The following C8orf34 variants were observed in gnomAD, a reference collection of about 807,000 sequenced individuals.
C8orf34 encodes uncharacterized protein C8orf34.
A neutral mutation model predicts 68.3 loss-of-function variants in C8orf34; 65 were observed. The observed-to-expected ratio is 0.95, with a 90% CI of 0.78 to 1.17. The LOEUF (loss-of-function observed/expected upper bound fraction) is 1.17. C8orf34 is among the 50% of genes most tolerant of loss of function. The pLI is 0.00. For missense variants in C8orf34, 664 were observed against 655.4 expected (o/e 1.01, Z -0.14); for synonymous variants, 244 against 241.2 (o/e 1.01, Z -0.11).
intron 10 of C8orf34, among the ~76,000 whole-genome samples, chr8:68,743,092 AT>A (rs1822352181): frequency 6.6e-6 from 1 of 152,160 alleles, no homozygotes. Flanking sequence ...TTTCTATTGA[AT>A]TTAAGTCCAG....
chr8:68,772,993 T>C (rs915169560), intron 10 of C8orf34, among the ~76,000 whole-genome samples: 1 of 152,060 alleles, frequency 6.6e-6, no homozygotes, highest in South Asian at 2.1e-4. Context: ...TCTTTGTTTT[T>C]CAAGGGAAAT....
chr8:68,700,920 G>T (rs953974406), intron 8 of C8orf34, among the ~76,000 whole-genome samples: 1 of 152,088 alleles, frequency 6.6e-6, no homozygotes, highest in African/African-American at 2.4e-5. Flanking sequence ...GATGAATGTT[G>T]TTATGAAAGA....
At chr8:68,582,206 G>A (rs1027455421) in intron 7 of C8orf34, among the ~76,000 whole-genome samples, 3 of 152,120 alleles carry the variant, frequency 2.0e-5, no homozygotes, top group Non-Finnish European at 2.9e-5. Flanking sequence ...AATGAAGAAC[G>A]GAGAGCTATG....
chr8:68,734,099 A>C (rs1585798197), intron 10 of C8orf34, among the ~76,000 whole-genome samples: 1 of 152,310 alleles, frequency 6.6e-6, no homozygotes, highest in East Asian at 1.9e-4. Flanking sequence ...ATTTCTGGAA[A>C]GATCACCTAA....
At chr8:68,568,578 G>A (rs1816670392) in intron 7 of C8orf34, among the ~76,000 whole-genome samples, 1 of 151,868 alleles carries the variant, frequency 6.6e-6, no homozygotes, top group South Asian at 2.1e-4. Context: ...AAAAATCTGT[G>A]AAGTGCAATA....
At chr8:68,608,346 T>A (rs999242611) in intron 7 of C8orf34, among the ~76,000 whole-genome samples, 3 of 151,912 alleles carry the variant, frequency 2.0e-5, no homozygotes, top group Non-Finnish European at 2.9e-5. Flanking sequence ...AAACTAAGCA[T>A]GTAAACTTGA....
chr8:68,617,129 T>C (rs1373878424), intron 7 of C8orf34, among the ~76,000 whole-genome samples: 1 of 152,190 alleles, frequency 6.6e-6, no homozygotes, highest in Non-Finnish European at 1.5e-5. Context: ...TTTTTTGTTT[T>C]CCATTTGCTT....
At chr8:68,358,174 T>C (rs533721182) in intron 1 of C8orf34, among the ~76,000 whole-genome samples, 7 of 152,286 alleles carry the variant, frequency 4.6e-5, no homozygotes, top group African/African-American at 1.7e-4. Context: ...AGCTATAATC[T>C]GTTTCCTGTT....
chr8:68,768,983 T>C (rs1823263334), intron 10 of C8orf34, among the ~76,000 whole-genome samples: 1 of 152,106 alleles, frequency 6.6e-6, no homozygotes, highest in Non-Finnish European at 1.5e-5. Flanking sequence ...ATTTTCTCTT[T>C]AAAAATCGTG....
intron 3 of C8orf34, among the ~76,000 whole-genome samples, chr8:68,454,732 A>G (rs1295460860): frequency 1.3e-5 from 2 of 151,736 alleles, no homozygotes; most frequent in Non-Finnish European, 2.9e-5. Context: ...TTGTTTTTCT[A>G]TATTCTGTTT....
At chr8:68,704,921 C>T (rs942802983) in intron 8 of C8orf34, among the ~76,000 whole-genome samples, 7 of 152,108 alleles carry the variant, frequency 4.6e-5, no homozygotes, top group African/African-American at 1.4e-4. Context: ...TTTGAACATT[C>T]TGATAGCCTT....
At chr8:68,768,965 A>G (rs1361046940) in intron 10 of C8orf34, among the ~76,000 whole-genome samples, 2 of 152,012 alleles carry the variant, frequency 1.3e-5, no homozygotes, top group African/African-American at 4.8e-5. Flanking sequence ...TCTGATGGTA[A>G]TATAAATATT....
At chr8:68,785,318 T>C (rs369376167) in intron 11 of C8orf34, among the ~76,000 whole-genome samples, 117 of 152,342 alleles carry the variant, frequency 7.7e-4, no homozygotes, top group African/African-American at 2.7e-3. Flanking sequence ...TTAACTCTAA[T>C]ACATTATGCA....
chr8:68,769,321 C>T (rs1416957247), intron 10 of C8orf34, among the ~76,000 whole-genome samples: 18 of 151,268 alleles, frequency 1.2e-4, no homozygotes. Flanking sequence ...TAAACTTTCC[C>T]TCTTTTTCAC....
At chr8:68,395,681 A>G (rs1808674518) in intron 1 of C8orf34, among the ~76,000 whole-genome samples, 1 of 152,138 alleles carries the variant, frequency 6.6e-6, no homozygotes, top group South Asian at 2.1e-4. Flanking sequence ...TTCATAGTCT[A>G]TGAAGAAAGT....
chr8:68,504,143 A>C (rs1813901396), intron 5 of C8orf34, among the ~76,000 whole-genome samples: 1 of 152,090 alleles, frequency 6.6e-6, no homozygotes. Context: ...TGTTTCTATA[A>C]ATTTTTCTAT....
intron 7 of C8orf34, among the ~76,000 whole-genome samples, chr8:68,568,303 T>C (rs933334437): frequency 5.9e-5 from 9 of 152,136 alleles, no homozygotes; most frequent in Non-Finnish European, 1.0e-4. Context: ...GGCTAACTGG[T>C]GAAGAGGCCT....
intron 5 of C8orf34, among the ~76,000 whole-genome samples, chr8:68,506,171 A>G (rs1814014499): frequency 6.6e-6 from 1 of 152,134 alleles, no homozygotes; most frequent in Non-Finnish European, 1.5e-5. Flanking sequence ...AAATTAGAAG[A>G]TGACTTTCTC....
Position 68,776,442 on chromosome 8 carries a change from T to C in C8orf34, c.1448T>C (p.Met483Thr). ...SGVGHSLKNYMEEDESLKQLQ... is the reference protein window; with the variant it reads ...SGVGHSLKNYTEEDESLKQLQ... ...GTAGGACACTCACTGAAAAACTACATGGAAGAAGTGAGTTTTAAGGTTGCT... is the reference window on the plus strand; with the variant it reads ...GTAGGACACTCACTGAAAAACTACACGGAAGAAGTGAGTTTTAAGGTTGCT... Residue 483 changes from methionine to threonine, a missense_variant, in exon 11 of 14, where the codon ATG (methionine) becomes ACG (threonine). Physicochemically the swap from Met to Thr is moderately conservative, Grantham distance 81 (BLOSUM62 -1). Coordinates refer to ENST00000518698, the MANE Select transcript of C8orf34 (RefSeq NM_052958.4). 6.2e-7 allele frequency: 1 copy of C among 1,612,538 alleles called. No homozygotes were observed. The highest frequency in any genetic ancestry group is 8.5e-7 in the Non-Finnish European group (1 of 1,178,732).
Sources: allele counts gnomAD v4.1 joint callset (sites outside exome capture counted in the v4.1 genomes callset), GRCh38; gene constraint gnomAD v4.1.1; transcripts MANE v1.5; gene names NCBI Gene and HGNC (gene_info 2026-07-23, HGNC 2026-07-21).